Variants in PGLS observed in about 807,000 individuals in gnomAD.
PGLS encodes the protein 6-phosphogluconolactonase.
In PGLS, 21 loss-of-function variants were observed where a neutral mutation model predicts 23.2. The observed-to-expected ratio is 0.91, with a 90% CI of 0.64 to 1.31. The LOEUF is 1.31. PGLS is among the 50% of genes most tolerant of loss of function. The probability of loss-of-function intolerance (pLI) is 0.00; values close to 1 mark genes in which losing one functional copy is unlikely to be tolerated. For missense variants in PGLS, 410 were observed against 354.0 expected (o/e 1.16, Z -1.27); for synonymous variants, 179 against 165.4 (o/e 1.08, Z -0.63).
intron 2 of PGLS, 124 bp from the exon 3 acceptor site, chr19:17,517,164 T>C (rs2075537204): frequency 1.4e-6 from 1 of 691,690 alleles, no homozygotes; most frequent in Non-Finnish European, 2.6e-6. Flanking sequence ...ATTTCAGGTG[T>C]GAGCCACCAT....
intron 1 of PGLS, 22 bp downstream of exon 1, chr19:17,511,982 G>A (rs993494122): frequency 6.5e-7 from 1 of 1,530,154 alleles, no homozygotes; most frequent in Admixed American, 2.0e-5. Context: ...GGGGGCCGCC[G>A]GGGATCACGC....
chr19:17,511,863 C>T lies in PGLS; in HGVS notation c.191C>T (p.Pro64Leu), dbSNP rs1242894710. The change falls in exon 1 of 5, where the codon CCT (proline) becomes CTT (leucine). Residue 64 changes from proline to leucine, a missense_variant. Physicochemically the swap from Pro to Leu is moderately conservative, Grantham distance 98. Transcript: ENST00000252603. ...CGCGAGCTACCCGCCGCCGTCGCCC[C>T]TGCCGGGCCAGCTAGCTTAGCGCGC... Reference protein sequence around the residue: ...LARELPAAVAPAGPASLARWT... With the variant: ...LARELPAAVALAGPASLARWT... The T allele has an allele frequency of 2.0e-6, 3 of 1,534,948 alleles. No homozygotes were observed. Among genetic ancestry groups the T allele is most frequent in the Non-Finnish European group, 2.6e-6 (3 of 1,143,124 alleles).
At chr19:17,520,600 A>C in intron 4 of PGLS, 1 of 172,146 alleles carries the variant, frequency 5.8e-6, no homozygotes, top group Non-Finnish European at 1.2e-5. Flanking sequence ...GCGTGGTGGC[A>C]CTTGCCTGTA....
At chr19:17,515,405 C>T (rs2038674155) in intron 1 of PGLS, among the ~76,000 whole-genome samples, 1 of 152,012 alleles carries the variant, frequency 6.6e-6, no homozygotes, top group Admixed American at 6.6e-5. Flanking sequence ...AGACCAGGGC[C>T]CCTGGGGCGC....
At chr19:17,517,883 C>A in intron 4 of PGLS, 33 bp downstream of exon 4, 1 of 1,611,502 alleles carries the variant, frequency 6.2e-7, no homozygotes, top group South Asian at 1.1e-5. Flanking sequence ...CTGGGAAGTT[C>A]ATGGGCATGT....
rs1166039865 is a variant in PGLS at position 17,517,771 on chromosome 19, C to A, written c.560C>A (p.Thr187Asn). 5 of 1,613,870 alleles carry A rather than the reference C, an allele frequency of 3.1e-6. No homozygotes were observed. The highest frequency in any genetic ancestry group is 4.2e-6 in the Non-Finnish European group (5 of 1,179,750). ...CCGAAGCCACCGCCACAGCGTGTGA[C>A]CCTCACACTACCTGTCCTGAATGCA... ...DSPKPPPQRV[T>N]LTLPVLNAAR... The change falls in exon 4 of 5, where the codon ACC (threonine) becomes AAC (asparagine). Residue 187 changes from threonine (T) to asparagine (N), a missense_variant. Transcript: ENST00000252603.
intron 1 of PGLS, among the ~76,000 whole-genome samples, chr19:17,513,485 G>A (rs2075518991): frequency 6.7e-6 from 1 of 149,664 alleles, no homozygotes; most frequent in Non-Finnish European, 1.5e-5. Context: ...CTCCACCCTG[G>A]GCGACAGAGT....
chr19:17,516,638 G>A (rs1024541813), intron 2 of PGLS: 1 of 517,732 alleles, frequency 1.9e-6, no homozygotes, highest in Non-Finnish European at 2.5e-6. Context: ...AGGCTGGAGT[G>A]CAGTGGCGTG....
At position 17,511,656 on chromosome 19, in the gene PGLS, C is replaced by G; in HGVS notation, c.-17C>G. ...GGCCGTAGGGAGCGCTTCCTCCTCC[C>G]CGCCGCCGCCCTCGCCATGGCCGCG... is the stretch of plus-strand genomic sequence containing the variant. On this transcript the variant is annotated 5_prime_UTR_variant, in exon 1 of 5. Coordinates refer to ENST00000252603, the MANE Select transcript of PGLS (RefSeq NM_012088.3). 6.8e-7 allele frequency: 1 copy of G among 1,466,180 alleles called. No individual in the cohort carries two copies. Among genetic ancestry groups the G allele is most frequent in the Non-Finnish European group, 8.9e-7 (1 of 1,119,060 alleles). 90.8% of individuals were successfully genotyped at this position (1,466,180 alleles called of 1,614,324 possible). A position where few individuals can be genotyped will look rare whatever the true frequency, so the allele number is the denominator to read the frequency against.
chr19:17,516,335 C>A, intron 2 of PGLS, 55 bp downstream of exon 2: 1 of 1,573,146 alleles, frequency 6.4e-7, no homozygotes, highest in South Asian at 1.1e-5. Context: ...GGCCACACCC[C>A]GGGCAACAGA....
rs1449142371 is a variant in PGLS at position 17,511,899 on chromosome 19, G to A, written c.227G>A (p.Gly76Asp). ...GPASLARWTL[G>D]FCDERLVPFD... ...GCTAGCTTAGCGCGCTGGACGCTGG[G>A]CTTCTGCGACGAGCGCCTCGTGCCC... is the stretch of plus-strand genomic sequence containing the variant. Residue 76 changes from glycine (G) to aspartate (D), a missense_variant, in exon 1 of 5, where the codon GGC becomes GAC. Coordinates refer to ENST00000252603, the MANE Select transcript of PGLS (RefSeq NM_012088.3). The A allele has an allele frequency of 1.3e-6, 2 of 1,543,924 alleles. No homozygotes were observed. Among genetic ancestry groups the A allele is most frequent in the South Asian group, 1.2e-5 (1 of 83,874 alleles).
chr19:17,517,290 AT>A lies in PGLS; in HGVS notation c.401del (p.Phe134SerfsTer12). 2 of 1,612,728 alleles carry A rather than the reference AT, an allele frequency of 1.2e-6. No individual in the cohort carries two copies. Among genetic ancestry groups the A allele is most frequent in the Non-Finnish European group, 1.7e-6 (2 of 1,178,852 alleles). On this transcript the variant is annotated frameshift_variant, in exon 3 of 5. Coordinates refer to ENST00000252603, the MANE Select transcript of PGLS (RefSeq NM_012088.3). LOFTEE classifies it high-confidence loss of function. ...EDYAKKLRQA[F>X]QGDSIPVFDL... is the part of the protein sequence containing the mutation. Reference sequence around the variant, plus strand: ...GGCTGTCTTCTCCCCACGCCCAGGCATTCCAAGGGGACTCCATCCCGGTTTT... The same window carrying A: ...GGCTGTCTTCTCCCCACGCCCAGGCATCCAAGGGGACTCCATCCCGGTTTT...
rs1306979488 is a variant in PGLS at position 17,516,253 on chromosome 19, T to C, written c.369T>C (p.Ala123=). 6.2e-7 allele frequency: 1 copy of C among 1,613,936 alleles called. No homozygotes were observed. Among genetic ancestry groups the C allele is most frequent in the Non-Finnish European group, 8.5e-7 (1 of 1,179,870 alleles). Residue 123 remains alanine (A), a synonymous_variant, in exon 2 of 5, where the codon GCT becomes GCC. Transcript: ENST00000252603. ...INPELPVEEA[A]EDYAKKLRQA... ...CCGAGCTGCCTGTGGAGGAGGCGGC[T>C]GAGGACTACGCCAAGAAGCTGAGAC...
intron 4 of PGLS, 84 bp from the exon 5 acceptor site, chr19:17,520,860 A>T: frequency 7.1e-7 from 1 of 1,400,910 alleles, no homozygotes; most frequent in South Asian, 1.5e-5. Context: ...AGTCTTATTT[A>T]TCCTTGGTTG....
intron 4 of PGLS, 29 bp from the exon 5 acceptor site, chr19:17,520,915 G>A: frequency 2.6e-6 from 4 of 1,555,546 alleles, no homozygotes; most frequent in Non-Finnish European, 3.5e-6. Flanking sequence ...GCCGCAGGCA[G>A]GGCCTTACTC....
chr19:17,520,948 T>C lies in PGLS; in HGVS notation c.644T>C (p.Ile215Thr), dbSNP rs757498722. The C allele has an allele frequency of 1.3e-6, 2 of 1,593,992 alleles. No individual in the cohort carries two copies. The highest frequency in any genetic ancestry group is 1.7e-6 in the Non-Finnish European group (2 of 1,169,644). Residue 215 changes from isoleucine to threonine, a missense_variant, in exon 5 of 5, where the codon ATT becomes ACT. Physicochemically the swap from Ile to Thr is moderately conservative, Grantham distance 89 (BLOSUM62 -1). Coordinates refer to ENST00000252603, the MANE Select transcript of PGLS (RefSeq NM_012088.3). ...CTCTTCTGCCCTCTTCTTCAGCGCA[T>C]TTTGGAGGACCAGGAGGAAAACCCG... ...GEGKAAVLKRILEDQEENPLP... is the reference protein window; with the variant it reads ...GEGKAAVLKRTLEDQEENPLP...
In PGLS at chr19:17,520,962, G is replaced by T; in HGVS notation, c.658G>T (p.Glu220Ter). ...TCTTCAGCGCATTTTGGAGGACCAG[G>T]AGGAAAACCCGCTGCCCGCCGCCCT... ...AVLKRILEDQ[E>*]ENPLPAALVQ... Residue 220 changes from glutamate (E) to a stop codon, truncating the protein, a stop_gained, in exon 5 of 5, where the codon GAG becomes TAG. Coordinates refer to ENST00000252603, the MANE Select transcript of PGLS (RefSeq NM_012088.3). LOFTEE classifies it high-confidence loss of function. The T allele has an allele frequency of 4.4e-6, 7 of 1,598,674 alleles. No homozygotes were observed. The highest frequency in any genetic ancestry group is 6.0e-6 in the Non-Finnish European group (7 of 1,172,156).
At chr19:17,512,252 C>G in intron 1 of PGLS, 1 of 449,476 alleles carries the variant, frequency 2.2e-6, no homozygotes, top group Non-Finnish European at 4.0e-6. Flanking sequence ...TGCACCTCGA[C>G]TACGGGGGCC....
Position 17,517,834 on chromosome 19 carries a change from A to G in PGLS, c.623A>G (p.Lys208Arg). 6 of 1,614,112 alleles carry G rather than the reference A, an allele frequency of 3.7e-6. No individual in the cohort carries two copies. The highest frequency in any genetic ancestry group is 1.7e-5 in the Admixed American group (1 of 60,002). The change falls in exon 4 of 5, where the codon AAG (lysine) becomes AGG (arginine). Residue 208 changes from lysine to arginine, a missense_variant. Transcript: ENST00000252603. ...ATCTTTGTGGCAACTGGAGAAGGCA[A>G]GGCAGCTGTTCTGAAGGTAACAGCT... ...TVIFVATGEG[K>R]AAVLKRILED...
Sources: gnomAD v4.1 joint callset for allele counts (sites outside exome capture counted in the v4.1 genomes callset) on GRCh38, gnomAD v4.1.1 for gene constraint, MANE v1.5 for transcripts, NCBI Gene and HGNC (gene_info 2026-07-23, HGNC 2026-07-21) for gene names.